Variants in KLRG1 observed in about 807,000 individuals in gnomAD.
KLRG1 encodes the protein killer cell lectin like receptor G1.
In KLRG1, 16 loss-of-function variants were observed where a neutral mutation model predicts 21.8. The ratio of observed to expected loss-of-function variants is 0.73; its 90% confidence interval spans 0.50 to 1.11. KLRG1 has a LOEUF of 1.11. KLRG1 is among the 50% of genes most tolerant of loss of function. KLRG1 has a pLI of 0.00. For synonymous variants in KLRG1, 69 were observed against 75.9 expected (o/e 0.91, Z 0.47); for missense variants, 173 against 218.3 (o/e 0.79, Z 1.31).
the KLRG1 span, chr12:9,127,761 C>T: frequency 4.6e-5 from 8 of 173,590 alleles, no homozygotes; most frequent in East Asian, 1.5e-3. Context: ...ACCAAGATCA[C>T]CACGCAGAAC....
At chr12:9,032,459 A>G in the KLRG1 span, among the ~76,000 whole-genome samples, 2 of 152,210 alleles carry the variant, frequency 1.3e-5, no homozygotes, top group Non-Finnish European at 2.9e-5. Context: ...GTGATTCCTC[A>G]GTGTAGGCCA....
At chr12:9,203,865 A>G in the KLRG1 span, 157 of 1,614,036 alleles carry the variant, frequency 9.7e-5, no homozygotes, top group Non-Finnish European at 1.3e-4. Context: ...ACTTACAGTC[A>G]CTGTCTCATT....
At chr12:9,094,124 T>C in the KLRG1 span, among the ~76,000 whole-genome samples, 42 of 152,048 alleles carry the variant, frequency 2.8e-4, no homozygotes, top group African/African-American at 9.4e-4. Flanking sequence ...TTTCCATTGG[T>C]GTGCTCCTCT....
At chr12:9,208,700 A>C in the KLRG1 span, among the ~76,000 whole-genome samples, 1 of 152,204 alleles carries the variant, frequency 6.6e-6, no homozygotes, top group Non-Finnish European at 1.5e-5. Context: ...CTGACAAAGA[A>C]TGTCAGGGAC....
At chr12:9,091,667 T>G in the KLRG1 span, among the ~76,000 whole-genome samples, 1 of 152,224 alleles carries the variant, frequency 6.6e-6, no homozygotes, top group East Asian at 1.9e-4. Flanking sequence ...AGTTATAAAT[T>G]TAACATGCAG....
At chr12:9,087,846 G>A in the KLRG1 span, among the ~76,000 whole-genome samples, 7 of 151,956 alleles carry the variant, frequency 4.6e-5, no homozygotes, top group Non-Finnish European at 7.4e-5. Flanking sequence ...TATGCTCTCT[G>A]ACTCAGGAAT....
the KLRG1 span, among the ~76,000 whole-genome samples, chr12:9,061,810 A>G: frequency 1.3e-5 from 2 of 152,142 alleles, no homozygotes; most frequent in African/African-American, 2.4e-5. Context: ...CAAGGCAAGA[A>G]CTTAATGAAG....
the KLRG1 span, among the ~76,000 whole-genome samples, chr12:9,156,574 A>G: frequency 6.6e-6 from 1 of 152,222 alleles, no homozygotes; most frequent in African/African-American, 2.4e-5. Context: ...TCATTCAAGT[A>G]AGTAGAGAGA....
At chr12:9,201,069 A>G in the KLRG1 span, 2 of 1,613,558 alleles carry the variant, frequency 1.2e-6, no homozygotes, top group Non-Finnish European at 1.7e-6. Flanking sequence ...TTCTGAAGGG[A>G]AACAAGAAAC....
At chr12:9,102,442 C>T in the KLRG1 span, among the ~76,000 whole-genome samples, 1 of 152,150 alleles carries the variant, frequency 6.6e-6, no homozygotes, top group African/African-American at 2.4e-5. Flanking sequence ...TCTCGATCTC[C>T]TGGCCTCACG....
the KLRG1 span, among the ~76,000 whole-genome samples, chr12:9,042,557 T>TA: frequency 1.3e-5 from 2 of 152,218 alleles, no homozygotes; most frequent in African/African-American, 4.8e-5. Flanking sequence ...CTTAGAAACT[T>TA]AAGAGCATTG....
the KLRG1 span, among the ~76,000 whole-genome samples, chr12:9,026,853 T>A: frequency 1.3e-5 from 2 of 152,118 alleles, no homozygotes; most frequent in East Asian, 3.9e-4. Flanking sequence ...AAAAAAATCG[T>A]GTGTGTGTCT....
At chr12:9,156,233 A>G in the KLRG1 span, 12 of 203,326 alleles carry the variant, frequency 5.9e-5, no homozygotes, top group East Asian at 1.2e-3. Context: ...ATCAACACCA[A>G]TGATTACTCT....
chr12:9,050,736 C>A, the KLRG1 span, among the ~76,000 whole-genome samples: 1 of 152,170 alleles, frequency 6.6e-6, no homozygotes, highest in East Asian at 1.9e-4. Flanking sequence ...GCCAGGGACA[C>A]GTGGGAACCT....
At chr12:9,042,140 A>G in the KLRG1 span, among the ~76,000 whole-genome samples, 2 of 152,206 alleles carry the variant, frequency 1.3e-5, no homozygotes, top group Non-Finnish European at 2.9e-5. Flanking sequence ...CTAAGGAAGT[A>G]TCTACCTAGG....
chr12:9,147,990 T>C, the KLRG1 span, among the ~76,000 whole-genome samples: 1 of 152,150 alleles, frequency 6.6e-6, no homozygotes, highest in Admixed American at 6.6e-5. Flanking sequence ...TTGCCTCTTC[T>C]CAAATACTTG....
chr12:8,976,479 G>A (rs992402602), intron 1 of KLRG1, among the ~76,000 whole-genome samples: 1 of 152,052 alleles, frequency 6.6e-6, no homozygotes, highest in Non-Finnish European at 1.5e-5. Flanking sequence ...GGTCTATTTG[G>A]TCTATCATGT....
At chr12:9,147,254 C>T in the KLRG1 span, among the ~76,000 whole-genome samples, 32 of 152,172 alleles carry the variant, frequency 2.1e-4, no homozygotes, top group African/African-American at 7.7e-4. Context: ...TCTTCATTCT[C>T]CTTCAAGCAG....
At chr12:8,972,244 A>G (rs4254119) in intron 1 of KLRG1, among the ~76,000 whole-genome samples, 57,875 of 151,762 alleles carry the variant, frequency 0.38, 11,620 homozygotes, top group South Asian at 0.44. Flanking sequence ...TGCAAGCTCC[A>G]CCTCCTGGGT....
Sources: allele counts gnomAD v4.1 joint callset (sites outside exome capture counted in the v4.1 genomes callset), GRCh38; gene constraint gnomAD v4.1.1; transcripts MANE v1.5; gene names NCBI Gene and HGNC (gene_info 2026-07-23, HGNC 2026-07-21).